Variants in ATMIN observed in about 807,000 individuals in gnomAD.
ATMIN encodes the protein ATM interactor.
A neutral mutation model predicts 49.2 loss-of-function variants in ATMIN; 24 were observed. The observed-to-expected ratio is 0.49, with a 90% CI of 0.35 to 0.69. The LOEUF (loss-of-function observed/expected upper bound fraction) is 0.69. Among genes scored for constraint, ATMIN ranks in the 30% least tolerant of loss-of-function variants. The pLI, the probability that ATMIN is intolerant of heterozygous loss-of-function variation, is 0.00. For missense variants in ATMIN, 1,037 were observed against 1,005.5 expected, an observed-to-expected ratio of 1.03 and a Z score of -0.42; for synonymous variants, 450 against 392.5, an observed-to-expected ratio of 1.15 and a Z score of -1.73.
chr16:81,044,253 C>A lies in ATMIN; in HGVS notation c.1755C>A (p.Thr585=). The A allele has an allele frequency of 6.2e-7, 1 of 1,613,948 alleles. No homozygotes were observed. The highest frequency in any genetic ancestry group is 2.2e-5 in the East Asian group (1 of 44,872). The stretch of plus-strand genomic sequence containing the variant: ...CACAGAACATGACAGATAATCAGAC[C>A]CAAACCATAGATTTATTAAGTGATT... ...LPSQNMTDNQ[T]QTIDLLSDLE... The change falls in exon 4 of 4, where the codon ACC becomes ACA. Residue 585 remains threonine, a synonymous_variant. Coordinates refer to ENST00000299575, the MANE Select transcript of ATMIN (RefSeq NM_015251.3).
rs1397712894 is a variant in ATMIN at position 81,043,764 on chromosome 16, A to C, written c.1266A>C (p.Gln422His). 2 of 1,614,246 alleles carry C rather than the reference A, an allele frequency of 1.2e-6. No individual in the cohort carries two copies. Among genetic ancestry groups the C allele is most frequent in the Non-Finnish European group, 1.7e-6 (2 of 1,180,050 alleles). ...NVQTDLSYAS[Q>H]NFIPSAQWAT... Reference sequence around the variant, plus strand: ...AGACAGATCTGTCTTATGCCTCACAAAACTTTATACCTTCTGCACAGTGGG... The same window carrying C: ...AGACAGATCTGTCTTATGCCTCACACAACTTTATACCTTCTGCACAGTGGG... Residue 422 changes from glutamine to histidine, a missense_variant, in exon 4 of 4, where the codon CAA (glutamine) becomes CAC (histidine). By Grantham distance (24) the Gln-to-His change is conservative. Coordinates refer to ENST00000299575, the MANE Select transcript of ATMIN (RefSeq NM_015251.3).
At chr16:81,040,466 G>A (rs1160606556) in intron 1 of ATMIN, 1 of 152,188 alleles carries the variant, frequency 6.6e-6, no homozygotes, top group Non-Finnish European at 1.5e-5. Context: ...CTCTTACCCA[G>A]GCATGATAGT....
rs748877684 is a variant in ATMIN at position 81,044,091 on chromosome 16, CATT to C, written c.1596_1598del (p.Ile533del). The stretch of plus-strand genomic sequence containing the variant: ...CATCATATAATGTTGCTACAGGTAA[CATT>C]ATAAGCAACAGTTTAGTAGCAGAGA... On this transcript the variant is annotated inframe_deletion, in exon 4 of 4. Transcript: ENST00000299575. 9.3e-6 allele frequency: 15 copies of C among 1,614,158 alleles called. No homozygotes were observed. Among genetic ancestry groups the C allele is most frequent in the East Asian group, 2.2e-5 (1 of 44,884 alleles).
intron 1 of ATMIN, chr16:81,041,121 A>G (rs1217791749): frequency 1.2e-5 from 5 of 429,498 alleles, no homozygotes; most frequent in Non-Finnish European, 2.1e-5. Context: ...AAATTGACTA[A>G]GAGGAATTCA....
At chr16:81,036,238 C>T in intron 1 of ATMIN, 32 bp downstream of exon 1, 5 of 1,341,894 alleles carry the variant, frequency 3.7e-6, no homozygotes, top group Non-Finnish European at 4.8e-6. Context: ...GCCCGGGGGG[C>T]CGGGCCTGGC....
chr16:81,042,355 C>A lies in ATMIN; in HGVS notation c.537C>A (p.Asp179Glu), dbSNP rs1468893687. ...GCAATTCGTACGGTACAGAATGGGA[C>A]CTGAAAAGACATGCAGAGGACTGTG... Reference protein sequence around the residue: ...KCSNSYGTEWDLKRHAEDCGK... With the variant: ...KCSNSYGTEWELKRHAEDCGK... The change falls in exon 3 of 4, where the codon GAC becomes GAA. Residue 179 changes from aspartate (D) to glutamate (E), a missense_variant. Coordinates refer to ENST00000299575, the MANE Select transcript of ATMIN (RefSeq NM_015251.3). 6.2e-7 allele frequency: 1 copy of A among 1,614,094 alleles called. No individual in the cohort carries two copies. The highest frequency in any genetic ancestry group is 1.3e-5 in the African/African-American group (1 of 75,010).
At chr16:81,036,552 C>G (rs1018405342) in intron 1 of ATMIN, among the ~76,000 whole-genome samples, 1 of 152,210 alleles carries the variant, frequency 6.6e-6, no homozygotes, top group Non-Finnish European at 1.5e-5. Flanking sequence ...TGGCGAGGGA[C>G]GCATCGTCTC....
intron 1 of ATMIN, among the ~76,000 whole-genome samples, chr16:81,036,474 C>G (rs1449747223): frequency 6.6e-6 from 1 of 152,236 alleles, no homozygotes; most frequent in African/African-American, 2.4e-5. Flanking sequence ...TCCCTGGCCC[C>G]GAGTGTCGTG....
Position 81,044,840 on chromosome 16 carries a change from C to T in ATMIN, c.2342C>T (p.Thr781Ile). The change falls in exon 4 of 4, where the codon ACC becomes ATC. Residue 781 changes from threonine to isoleucine, a missense_variant. Thr to Ile is a moderately conservative substitution (Grantham distance 89). Transcript: ENST00000299575. ...GAAACCCTGGGGAGCTTGTTCTTCA[C>T]CAGCAACGAAACTCAGACAGCAATG... ...GFETLGSLFF[T>I]SNETQTAMDD... 1 of 1,614,168 alleles carries T rather than the reference C, an allele frequency of 6.2e-7. No homozygotes were observed. The highest frequency in any genetic ancestry group is 8.5e-7 in the Non-Finnish European group (1 of 1,180,030).
Position 81,043,942 on chromosome 16 carries a change from A to G in ATMIN, c.1444A>G (p.Thr482Ala). The change falls in exon 4 of 4, where the codon ACC (threonine) becomes GCC (alanine). Residue 482 changes from threonine (T) to alanine (A), a missense_variant. Physicochemically the swap from Thr to Ala is moderately conservative, Grantham distance 58. Coordinates refer to ENST00000299575, the MANE Select transcript of ATMIN (RefSeq NM_015251.3). ...IAAQTDAFMD[T>A]CFQSGGVSRE... ...TGCTCAGACTGATGCATTTATGGAC[A>G]CCTGTTTCCAGTCAGGTGGGGTCTC... The G allele has an allele frequency of 6.2e-7, 1 of 1,614,190 alleles. No individual in the cohort carries two copies. The highest frequency in any genetic ancestry group is 1.1e-5 in the South Asian group (1 of 91,078).
intron 1 of ATMIN, chr16:81,037,383 A>G (rs989434812): frequency 1.1e-5 from 11 of 985,352 alleles, no homozygotes; most frequent in African/African-American, 1.0e-4. Flanking sequence ...TGTGTCGCCA[A>G]TGAAGAGTGA....
Position 81,035,868 on chromosome 16 carries a change from G to C in ATMIN, c.-3G>C. The stretch of plus-strand genomic sequence containing the variant: ...AACTGGGCCGGGCGGCCGTGCGGGA[G>C]CCATGGCGGCCTCGGAGGCGGCGGC... On this transcript the variant is annotated 5_prime_UTR_variant, in exon 1 of 4. Coordinates refer to ENST00000299575, the MANE Select transcript of ATMIN (RefSeq NM_015251.3). 2.2e-6 allele frequency: 2 copies of C among 889,108 alleles called. No homozygotes were observed. The highest frequency in any genetic ancestry group is 2.7e-6 in the Non-Finnish European group (2 of 743,654). The allele number at this position is 889,108 out of a possible 1,614,324, so 55.1% of individuals were successfully genotyped here.
chr16:81,036,605 G>A (rs1328330131), intron 1 of ATMIN, among the ~76,000 whole-genome samples: 2 of 152,172 alleles, frequency 1.3e-5, no homozygotes, highest in East Asian at 3.9e-4. Context: ...TAGATGATGC[G>A]GGGCTTTAAA....
At position 81,044,408 on chromosome 16, in the gene ATMIN, A is replaced by G. The variant is rs1567565602; in HGVS notation, c.1910A>G (p.Asp637Gly). Residue 637 changes from aspartate to glycine, a missense_variant, in exon 4 of 4, where the codon GAT (aspartate) becomes GGT (glycine). Asp to Gly is a moderately conservative substitution (Grantham distance 94). Transcript: ENST00000299575. ...GPAQNPGIDF[D>G]IEEFFSASNI... is the part of the protein sequence containing the mutation. ...GCCCAGAACCCCGGAATCGATTTTGATATCGAAGAGTTCTTTTCGGCCTCA... is the reference window on the plus strand; with the variant it reads ...GCCCAGAACCCCGGAATCGATTTTGGTATCGAAGAGTTCTTTTCGGCCTCA... 2 of 1,614,094 alleles carry G rather than the reference A, an allele frequency of 1.2e-6. No homozygotes were observed. Among genetic ancestry groups the G allele is most frequent in the Non-Finnish European group, 8.5e-7 (1 of 1,180,010 alleles).
chr16:81,036,761 T>C (rs930009779), intron 1 of ATMIN, among the ~76,000 whole-genome samples: 2 of 151,362 alleles, frequency 1.3e-5, no homozygotes, highest in African/African-American at 4.9e-5. Context: ...ACGTTTGAGG[T>C]CGAGGACATG....
chr16:81,042,312 A>G lies in ATMIN; in HGVS notation c.494A>G (p.His165Arg), dbSNP rs1971048933. ...ATGAAAATGCATGCTGAGAAGAAGC[A>G]CAAATGTAGTAAGTGCAGCAATTCG... ...HFMKMHAEKK[H>R]KCSKCSNSYG... Residue 165 changes from histidine to arginine, a missense_variant, in exon 3 of 4, where the codon CAC becomes CGC. His to Arg is a conservative substitution (Grantham distance 29). Transcript: ENST00000299575. The G allele has an allele frequency of 6.2e-7, 1 of 1,613,826 alleles. No individual in the cohort carries two copies.
At position 81,046,917 on chromosome 16, in the gene ATMIN, T is replaced by A. The variant is rs189772710; in HGVS notation, c.*1947T>A. 6.5e-6 allele frequency: 1 copy of A among 152,740 alleles called. No individual in the cohort carries two copies. Among genetic ancestry groups the A allele is most frequent in the East Asian group, 1.9e-4 (1 of 5,190 alleles). 9.5% of individuals were successfully genotyped at this position (152,740 alleles called of 1,614,324 possible). A position where few individuals can be genotyped will look rare whatever the true frequency, so the allele number is the denominator to read the frequency against. On this transcript the variant is annotated 3_prime_UTR_variant, in exon 4 of 4. Coordinates refer to ENST00000299575, the MANE Select transcript of ATMIN (RefSeq NM_015251.3). ...TGGTTTGGTCACAGTTGCCTATGAG[T>A]GTGGGTTTCAAAAGAAACATAAAGC...
chr16:81,041,618 A>C, intron 2 of ATMIN, 137 bp downstream of exon 2: 1 of 1,120,966 alleles, frequency 8.9e-7, no homozygotes, highest in Non-Finnish European at 1.3e-6. Context: ...AGTTGGTATA[A>C]ACCTGAGTAT....
chr16:81,042,314 A>G lies in ATMIN; in HGVS notation c.496A>G (p.Lys166Glu). The change falls in exon 3 of 4, where the codon AAA becomes GAA. Residue 166 changes from lysine (K) to glutamate (E), a missense_variant. By Grantham distance (56) the Lys-to-Glu change is moderately conservative. Coordinates refer to ENST00000299575, the MANE Select transcript of ATMIN (RefSeq NM_015251.3). Reference sequence around the variant, plus strand: ...GAAAATGCATGCTGAGAAGAAGCACAAATGTAGTAAGTGCAGCAATTCGTA... The same window carrying G: ...GAAAATGCATGCTGAGAAGAAGCACGAATGTAGTAAGTGCAGCAATTCGTA... ...FMKMHAEKKH[K>E]CSKCSNSYGT... 1 of 1,613,880 alleles carries G rather than the reference A, an allele frequency of 6.2e-7. No homozygotes were observed. Among genetic ancestry groups the G allele is most frequent in the Non-Finnish European group, 8.5e-7 (1 of 1,179,988 alleles).
Sources: gnomAD v4.1 joint callset for allele counts (sites outside exome capture counted in the v4.1 genomes callset) on GRCh38, gnomAD v4.1.1 for gene constraint, MANE v1.5 for transcripts, NCBI Gene and HGNC (gene_info 2026-07-23, HGNC 2026-07-21) for gene names.